The following DLG2 variants were observed in gnomAD, a reference collection of about 807,000 sequenced individuals.
DLG2 encodes the protein disks large homolog 2.
In DLG2, 45 loss-of-function variants were observed where a neutral mutation model predicts 132.5. The ratio of observed to expected loss-of-function variants is 0.34; its 90% CI spans 0.27 to 0.44. The LOEUF (loss-of-function observed/expected upper bound fraction) is 0.44. Among genes scored for constraint, DLG2 ranks in the 20% least tolerant of loss-of-function variants. DLG2 has a pLI of 1.00. For synonymous variants in DLG2, 424 were observed against 419.6 expected (o/e 1.01, Z -0.13); for missense variants, 1,045 against 1,196.9 (o/e 0.87, Z 1.87).
At chr11:84,729,034 C>A (rs916197865) in intron 6 of DLG2, among the ~76,000 whole-genome samples, 7 of 151,978 alleles carry the variant, frequency 4.6e-5, no homozygotes, top group Non-Finnish European at 8.8e-5. Context: ...TTTCAAAAAC[C>A]CAGCTCCTGG....
chr11:85,238,851 A>C (rs2075734165), intron 4 of DLG2, among the ~76,000 whole-genome samples: 1 of 151,598 alleles, frequency 6.6e-6, no homozygotes, highest in Non-Finnish European at 1.5e-5. Context: ...TTTTTTTAAC[A>C]ATCATCCTTA....
intron 8 of DLG2, among the ~76,000 whole-genome samples, chr11:84,220,817 T>C (rs575339087): frequency 8.1e-6 from 1 of 123,856 alleles, no homozygotes; most frequent in Non-Finnish European, 1.7e-5. Context: ...GGTCTAGCTC[T>C]GTTACCCAGG....
chr11:84,866,254 T>C (rs1008383097), intron 6 of DLG2, among the ~76,000 whole-genome samples: 3 of 152,164 alleles, frequency 2.0e-5, no homozygotes, highest in African/African-American at 4.8e-5. Flanking sequence ...TGGAGCCTGA[T>C]CAAGTATGTG....
intron 16 of DLG2, among the ~76,000 whole-genome samples, chr11:83,838,080 C>CT (rs61635190): frequency 0.72 from 109,858 of 151,976 alleles, 41,010 homozygotes; most frequent in African/African-American, 0.91. Context: ...GATTAGGACT[C>CT]TGACATTTGT....
At chr11:84,525,982 C>G (rs1370677282) in intron 7 of DLG2, among the ~76,000 whole-genome samples, 1 of 152,116 alleles carries the variant, frequency 6.6e-6, no homozygotes, top group African/African-American at 2.4e-5. Flanking sequence ...TCTCTGACAA[C>G]ACCCATCCTA....
intron 6 of DLG2, among the ~76,000 whole-genome samples, chr11:84,874,368 T>C (rs1221132486): frequency 6.6e-6 from 1 of 152,094 alleles, no homozygotes; most frequent in Admixed American, 6.6e-5. Context: ...AAAGATTCTA[T>C]TATGGGAAGG....
intron 11 of DLG2, among the ~76,000 whole-genome samples, chr11:84,027,075 A>G (rs1048791735): frequency 3.9e-5 from 6 of 152,026 alleles, no homozygotes; most frequent in African/African-American, 1.4e-4. Flanking sequence ...TTCCCCAGCT[A>G]CAGGGATGGC....
rs575519336 is a variant in DLG2 at position 84,660,801 on chromosome 11, C to G, written c.358-126070G>C. On this transcript the variant is annotated intron_variant, in intron 6 of 27. Transcript: ENST00000376104. The stretch of plus-strand genomic sequence containing the variant: ...GTACACTGCAAATGCAGATCTCACT[C>G]CTTCTGACAAAGGCAAGGTGACTAA... Among the ~76,000 whole-genome samples the G allele has an allele frequency of 3.3e-5, 5 of 152,268 alleles. No homozygotes were observed. The South Asian group carries it at 1.0e-3, about 32-fold the overall frequency.
intron 6 of DLG2, among the ~76,000 whole-genome samples, chr11:84,931,715 T>C (rs145891819): frequency 1.3e-5 from 2 of 152,238 alleles, no homozygotes; most frequent in Non-Finnish European, 2.9e-5. Flanking sequence ...TGAACTAATT[T>C]ACTACTTTAC....
At chr11:84,798,385 A>C (rs2074942890) in intron 6 of DLG2, among the ~76,000 whole-genome samples, 1 of 152,158 alleles carries the variant, frequency 6.6e-6, no homozygotes, top group African/African-American at 2.4e-5. Context: ...CCCTCAAACA[A>C]CACAAAGTCC....
intron 18 of DLG2, among the ~76,000 whole-genome samples, chr11:83,773,636 G>A (rs12278315): frequency 0.015 from 2,210 of 152,166 alleles, 56 homozygotes; most frequent in African/African-American, 0.05. Context: ...TCAATATTTG[G>A]GAGCTCTAGT....
intron 19 of DLG2, among the ~76,000 whole-genome samples, chr11:83,610,575 TA>T (rs1211398793): frequency 3.3e-5 from 5 of 152,222 alleles, no homozygotes; most frequent in Admixed American, 3.3e-4. Flanking sequence ...GTGGTAACCA[TA>T]ATGGAGGTAA....
At chr11:83,632,907 T>C (rs2063819515) in intron 19 of DLG2, 5 of 323,792 alleles carry the variant, frequency 1.5e-5, no homozygotes, top group Non-Finnish European at 2.9e-5. Flanking sequence ...ACATATGCCA[T>C]TTAAGATTTA....
intron 11 of DLG2, among the ~76,000 whole-genome samples, chr11:84,058,357 T>C (rs866437671): frequency 1.3e-5 from 2 of 151,776 alleles, no homozygotes; most frequent in Non-Finnish European, 2.9e-5. Context: ...AAAGCATTAT[T>C]CTTAAAAATT....
At chr11:84,608,379 C>A (rs779044446) in intron 6 of DLG2, among the ~76,000 whole-genome samples, 4 of 152,158 alleles carry the variant, frequency 2.6e-5, no homozygotes, top group Non-Finnish European at 5.9e-5. Flanking sequence ...ACAAGCTGCA[C>A]CACCTCCAGC....
intron 4 of DLG2, among the ~76,000 whole-genome samples, chr11:85,283,218 A>AC (rs1409515343): frequency 1.3e-5 from 2 of 151,954 alleles, no homozygotes; most frequent in East Asian, 3.8e-4. Flanking sequence ...ATGCACATGT[A>AC]CCCCTGAATT....
intron 3 of DLG2, among the ~76,000 whole-genome samples, chr11:85,352,401 T>C (rs902470305): frequency 3.3e-5 from 5 of 152,210 alleles, no homozygotes; most frequent in African/African-American, 4.8e-5. Flanking sequence ...TTTGTGTCTC[T>C]ATCTCCTTCA....
chr11:83,928,329 G>T (rs11233814), intron 15 of DLG2, among the ~76,000 whole-genome samples: 14 of 151,974 alleles, frequency 9.2e-5, no homozygotes, highest in Non-Finnish European at 1.9e-4. Flanking sequence ...TCATGATACA[G>T]ATGACAGAAA....
intron 6 of DLG2, among the ~76,000 whole-genome samples, chr11:84,865,246 A>G (rs544113919): frequency 6.6e-6 from 1 of 152,310 alleles, no homozygotes; most frequent in Non-Finnish European, 1.5e-5. Flanking sequence ...TGTCTTACTA[A>G]GGCTGGATAT....
Sources: allele counts gnomAD v4.1 joint callset (sites outside exome capture counted in the v4.1 genomes callset), GRCh38; gene constraint gnomAD v4.1.1; transcripts MANE v1.5; gene names NCBI Gene and HGNC (gene_info 2026-07-23, HGNC 2026-07-21).